The following PLCXD3 variants were observed in gnomAD, a reference collection of about 807,000 sequenced individuals.
The protein encoded by PLCXD3 is PI-PLC X domain-containing protein 3.
A neutral mutation model predicts 25.5 loss-of-function variants in PLCXD3; 19 were observed. The ratio of observed to expected loss-of-function variants is 0.75; its 90% CI spans 0.52 to 1.09. The LOEUF is 1.09. Ranked by LOEUF, PLCXD3 falls within the 50% of genes least tolerant of loss-of-function variation. The pLI, the probability that PLCXD3 is intolerant of heterozygous loss-of-function variation, is 0.00. For synonymous variants in PLCXD3, 174 were observed against 137.6 expected (o/e 1.26, Z -1.85); for missense variants, 411 against 388.1 (o/e 1.06, Z -0.50).
At chr5:41,346,248 C>G (rs1261695721) in intron 2 of PLCXD3, among the ~76,000 whole-genome samples, 2 of 152,220 alleles carry the variant, frequency 1.3e-5, no homozygotes, top group Non-Finnish European at 2.9e-5. Context: ...ACAACCCTTA[C>G]TCACCAACAC....
At chr5:41,321,829 A>C (rs1743479948) in intron 2 of PLCXD3, among the ~76,000 whole-genome samples, 1 of 152,244 alleles carries the variant, frequency 6.6e-6, no homozygotes, top group African/African-American at 2.4e-5. Flanking sequence ...GGGAAAAGAC[A>C]GTATCTTCAG....
At chr5:41,316,638 G>A (rs892638652) in intron 2 of PLCXD3, among the ~76,000 whole-genome samples, 2 of 152,158 alleles carry the variant, frequency 1.3e-5, no homozygotes, top group African/African-American at 4.8e-5. Context: ...GCCCTGAAGG[G>A]TGAGTCCCAG....
At chr5:41,388,047 A>G (rs1455934672) in intron 1 of PLCXD3, among the ~76,000 whole-genome samples, 3 of 152,076 alleles carry the variant, frequency 2.0e-5, no homozygotes. Flanking sequence ...TGGGAGCCAC[A>G]CTAAACAGGG....
intron 1 of PLCXD3, among the ~76,000 whole-genome samples, chr5:41,425,300 T>C (rs1293862708): frequency 6.6e-6 from 1 of 151,296 alleles, no homozygotes; most frequent in Non-Finnish European, 1.5e-5. Context: ...TCTCTTGTCT[T>C]TTTTTTTTCT....
intron 1 of PLCXD3, among the ~76,000 whole-genome samples, chr5:41,450,870 G>A (rs1490945485): frequency 6.6e-6 from 1 of 152,054 alleles, no homozygotes; most frequent in African/African-American, 2.4e-5. Context: ...AAAAGAAGGA[G>A]ATGGATTGCA....
chr5:41,502,243 C>T (rs562293233), intron 1 of PLCXD3, among the ~76,000 whole-genome samples: 1 of 152,186 alleles, frequency 6.6e-6, no homozygotes, highest in East Asian at 1.9e-4. Flanking sequence ...GAAATAGATG[C>T]ATTGTGGGTT....
chr5:41,469,941 C>T (rs1449181840), intron 1 of PLCXD3, among the ~76,000 whole-genome samples: 1 of 152,106 alleles, frequency 6.6e-6, no homozygotes, highest in East Asian at 1.9e-4. Flanking sequence ...CCTTGCCTCT[C>T]GTGAGTGAGA....
intron 1 of PLCXD3, among the ~76,000 whole-genome samples, chr5:41,433,125 C>T (rs1244816936): frequency 6.6e-6 from 1 of 152,180 alleles, no homozygotes; most frequent in East Asian, 1.9e-4. Context: ...GCATTCAGGG[C>T]ACAAGCTGCC....
rs527486874 is a variant in PLCXD3, at chr5:41,493,496, T to C, written c.103+16928A>G. Among the ~76,000 whole-genome samples, 13 of 152,310 alleles carry C rather than the reference T, an allele frequency of 8.5e-5. No individual in the cohort carries two copies. In the East Asian group the frequency reaches 2.3e-3, roughly 27 times the overall value. ...ACAGGGACATTTAAGTCTGCAGAGG[T>C]TACTGCTGTCTTTTTGTTTGTCTGT... On this transcript the variant is annotated intron_variant, in intron 1 of 2. Coordinates refer to ENST00000377801, the MANE Select transcript of PLCXD3 (RefSeq NM_001005473.3).
chr5:41,481,825 G>A (rs1748421210), intron 1 of PLCXD3, among the ~76,000 whole-genome samples: 1 of 152,162 alleles, frequency 6.6e-6, no homozygotes, highest in Admixed American at 6.5e-5. Flanking sequence ...CCACCTCCTG[G>A]CATGGACAGC....
In PLCXD3 at chr5:41,310,664, C is replaced by T. The variant is rs764515425; in HGVS notation, c.*2953G>A. 10 of 152,576 alleles carry T rather than the reference C, an allele frequency of 6.6e-5. No homozygotes were observed. The highest frequency in any genetic ancestry group is 1.3e-4 in the Non-Finnish European group (9 of 68,020). The allele number at this position is 152,576 out of a possible 1,614,324, so 9.5% of individuals were successfully genotyped here. On this transcript the variant is annotated 3_prime_UTR_variant, in exon 3 of 3. Transcript: ENST00000377801. Reference sequence around the variant, plus strand: ...CAGGGCAGAACTAATGGATAGAAGACAGTCAAAGGCACCTTCTCTCCATTC... The same window carrying T: ...CAGGGCAGAACTAATGGATAGAAGATAGTCAAAGGCACCTTCTCTCCATTC...
chr5:41,356,092 C>T (rs1218560023), intron 2 of PLCXD3, among the ~76,000 whole-genome samples: 1 of 152,068 alleles, frequency 6.6e-6, no homozygotes, highest in Non-Finnish European at 1.5e-5. Context: ...TGGCAAAACC[C>T]TGTTTCTACT....
At chr5:41,498,734 A>G (rs1748891537) in intron 1 of PLCXD3, among the ~76,000 whole-genome samples, 1 of 151,834 alleles carries the variant, frequency 6.6e-6, no homozygotes, top group South Asian at 2.1e-4. Flanking sequence ...TCCCTAATAA[A>G]CATAAATGAA....
At chr5:41,480,804 C>T (rs1198049985) in intron 1 of PLCXD3, among the ~76,000 whole-genome samples, 1 of 151,896 alleles carries the variant, frequency 6.6e-6, no homozygotes, top group Non-Finnish European at 1.5e-5. Context: ...ACCTGTAGTC[C>T]CAGCTACTCA....
chr5:41,421,528 C>T (rs1477065206), intron 1 of PLCXD3, among the ~76,000 whole-genome samples: 1 of 151,930 alleles, frequency 6.6e-6, no homozygotes, highest in Admixed American at 6.6e-5. Context: ...GGTGAAACCC[C>T]GTCTCTACTA....
At chr5:41,449,092 C>T (rs370409184) in intron 1 of PLCXD3, among the ~76,000 whole-genome samples, 21 of 152,274 alleles carry the variant, frequency 1.4e-4, no homozygotes, top group African/African-American at 4.6e-4. Context: ...TCTCTATTTT[C>T]ACATTACATT....
chr5:41,350,348 C>G (rs1481268942), intron 2 of PLCXD3, among the ~76,000 whole-genome samples: 1 of 152,160 alleles, frequency 6.6e-6, no homozygotes, highest in Non-Finnish European at 1.5e-5. Flanking sequence ...TACTCTTCAT[C>G]TTCTCTCTGA....
At chr5:41,406,784 C>A (rs1274289926) in intron 1 of PLCXD3, among the ~76,000 whole-genome samples, 1 of 152,142 alleles carries the variant, frequency 6.6e-6, no homozygotes, top group Non-Finnish European at 1.5e-5. Flanking sequence ...GGTCATTACC[C>A]TGCCTCAGCC....
chr5:41,394,929 A>G (rs905312193), intron 1 of PLCXD3, among the ~76,000 whole-genome samples: 1 of 152,144 alleles, frequency 6.6e-6, no homozygotes, highest in Non-Finnish European at 1.5e-5. Context: ...CAGACAGAAA[A>G]TCAACAAGGA....
Sources: gnomAD v4.1 joint callset for allele counts (sites outside exome capture counted in the v4.1 genomes callset) on GRCh38, gnomAD v4.1.1 for gene constraint, MANE v1.5 for transcripts, NCBI Gene and HGNC (gene_info 2026-07-23, HGNC 2026-07-21) for gene names.